LYZL1: variants seen among roughly 807,000 people sequenced by gnomAD.
LYZL1 encodes the protein lysozyme like 1.
In LYZL1, 16 loss-of-function variants were observed where a neutral mutation model predicts 17.9. The ratio of observed to expected loss-of-function variants is 0.90; its 90% CI spans 0.61 to 1.36. The LOEUF (loss-of-function observed/expected upper bound fraction) is 1.36. Among genes scored for constraint, LYZL1 ranks in the 40% most tolerant of loss-of-function variants. LYZL1 has a pLI of 0.00. For missense variants in LYZL1, 149 were observed against 188.4 expected, an observed-to-expected ratio of 0.79 and a Z score of 1.22; for synonymous variants, 58 against 71.8, an observed-to-expected ratio of 0.81 and a Z score of 0.97.
chr10:29,306,443 G>C (rs1220023644), intron 3 of LYZL1, among the ~76,000 whole-genome samples: 5 of 142,578 alleles, frequency 3.5e-5, no homozygotes, highest in African/African-American at 1.3e-4. Flanking sequence ...CCAGCTACTC[G>C]GGAGGCTGAG....
chr10:29,302,292 G>A (rs938713931), intron 3 of LYZL1, among the ~76,000 whole-genome samples: 1 of 152,212 alleles, frequency 6.6e-6, no homozygotes, highest in Non-Finnish European at 1.5e-5. Context: ...CAAAGGAGAT[G>A]TAGCATAGAC....
chr10:29,300,156 G>A (rs964109087), intron 3 of LYZL1, among the ~76,000 whole-genome samples: 15 of 151,776 alleles, frequency 9.9e-5, no homozygotes, highest in African/African-American at 3.1e-4. Context: ...TTATTGATAT[G>A]GTTAGTTTTA....
At chr10:29,310,743 G>A (rs74131342) in intron 4 of LYZL1, among the ~76,000 whole-genome samples, 10,138 of 152,200 alleles carry the variant, frequency 0.067, 378 homozygotes, top group South Asian at 0.14. Context: ...AGATGTGGGT[G>A]TGACATGGAA....
At chr10:29,298,175 A>C (rs1220230497) in intron 3 of LYZL1, among the ~76,000 whole-genome samples, 2 of 152,162 alleles carry the variant, frequency 1.3e-5, no homozygotes, top group Non-Finnish European at 2.9e-5. Flanking sequence ...AAACATGGCA[A>C]TAGTGAAGTA....
chr10:29,293,635 A>G (rs1049701898), intron 3 of LYZL1, among the ~76,000 whole-genome samples: 14 of 152,144 alleles, frequency 9.2e-5, no homozygotes, highest in Non-Finnish European at 1.6e-4. Context: ...TGTAAGGAGG[A>G]GTGCGCTGAG....
At chr10:29,304,523 G>A (rs1835565579) in intron 3 of LYZL1, among the ~76,000 whole-genome samples, 1 of 152,042 alleles carries the variant, frequency 6.6e-6, no homozygotes, top group Admixed American at 6.5e-5. Flanking sequence ...ACTGAAAATA[G>A]GACTGAAGCT....
intron 3 of LYZL1, 103 bp from the exon 4 acceptor site, chr10:29,310,007 C>T: frequency 1.3e-6 from 1 of 758,440 alleles, no homozygotes. Flanking sequence ...TTCTTCCAAC[C>T]CTCTTGATCC....
chr10:29,294,124 G>A (rs762832821), intron 3 of LYZL1, among the ~76,000 whole-genome samples: 15 of 152,182 alleles, frequency 9.9e-5, no homozygotes, highest in African/African-American at 3.6e-4. Context: ...AGAGGTGCCT[G>A]TGGGAAGGTG....
At chr10:29,290,869 T>C (rs1337498995) in intron 1 of LYZL1, among the ~76,000 whole-genome samples, 2 of 145,652 alleles carry the variant, frequency 1.4e-5, no homozygotes, top group Non-Finnish European at 3.0e-5. Flanking sequence ...AAAGCACTGA[T>C]ACTTTGGAAG....
At chr10:29,304,061 C>T (rs549345888) in intron 3 of LYZL1, among the ~76,000 whole-genome samples, 8 of 152,240 alleles carry the variant, frequency 5.3e-5, no homozygotes, top group African/African-American at 1.4e-4. Context: ...GCACCTAGCC[C>T]GTGACCATTT....
intron 3 of LYZL1, among the ~76,000 whole-genome samples, chr10:29,303,799 T>TCCCACATA (rs1226649993): frequency 2.0e-5 from 3 of 152,218 alleles, no homozygotes; most frequent in African/African-American, 7.2e-5. Flanking sequence ...TGTCATTCTG[T>TCCCACATA]CCCACATATT....
Position 29,294,989 on chromosome 10 carries a change from A to T in LYZL1, c.298+2312A>T, listed in dbSNP as rs143007554. ...CTCTCAAAATATGTTACATTGATAA[A>T]ACTAACCAACCACTGCTGAGTGTAA... On this transcript the variant is annotated intron_variant, in intron 3 of 4. Transcript: ENST00000649382. 5.5e-3 allele frequency among the ~76,000 whole-genome samples: 834 copies of T among 152,336 alleles called. 4 individuals are homozygous for T. Among genetic ancestry groups the T allele is most frequent in the Non-Finnish European group, 9.4e-3 (641 of 68,030 alleles).
intron 3 of LYZL1, among the ~76,000 whole-genome samples, chr10:29,294,575 A>T (rs983210347): frequency 6.6e-6 from 1 of 152,204 alleles, no homozygotes; most frequent in African/African-American, 2.4e-5. Context: ...ATGTATCCTC[A>T]ATGTCTAGAA....
At chr10:29,300,698 G>T (rs774371411) in intron 3 of LYZL1, among the ~76,000 whole-genome samples, 2 of 152,054 alleles carry the variant, frequency 1.3e-5, no homozygotes, top group African/African-American at 2.4e-5. Flanking sequence ...GGTTTTTTTA[G>T]ACTAGAGGTC....
downstream of LYZL1, among the ~76,000 whole-genome samples, chr10:29,315,674 C>T (rs551646707): frequency 1.3e-5 from 2 of 151,724 alleles, no homozygotes; most frequent in African/African-American, 4.8e-5. Flanking sequence ...AGAGTGAGAT[C>T]CCATCTCTAC....
chr10:29,307,847 T>G (rs887912906), intron 3 of LYZL1, among the ~76,000 whole-genome samples: 13 of 152,138 alleles, frequency 8.5e-5, no homozygotes, highest in East Asian at 1.9e-4. Flanking sequence ...TCTGGAGAGA[T>G]AAATTATTAG....
At chr10:29,316,298 G>A (rs1835728988) in intron 3 of LYZL1, among the ~76,000 whole-genome samples, 1 of 152,206 alleles carries the variant, frequency 6.6e-6, no homozygotes, top group South Asian at 2.1e-4. Flanking sequence ...GGGACACTCA[G>A]AAACTGTTCC....
intron 3 of LYZL1, among the ~76,000 whole-genome samples, chr10:29,307,383 C>T (rs545356618): frequency 7.4e-4 from 113 of 152,320 alleles, no homozygotes; most frequent in Non-Finnish European, 1.5e-3. Flanking sequence ...CTGGGTCTTC[C>T]TTCCTTCACT....
intron 3 of LYZL1, among the ~76,000 whole-genome samples, chr10:29,303,188 C>T (rs1835544990): frequency 6.6e-6 from 1 of 152,182 alleles, no homozygotes; most frequent in African/African-American, 2.4e-5. Context: ...TTGCAGATTT[C>T]TGCTGCTCTT....
Sources: allele counts gnomAD v4.1 joint callset (sites outside exome capture counted in the v4.1 genomes callset), GRCh38; gene constraint gnomAD v4.1.1; transcripts MANE v1.5; gene names NCBI Gene and HGNC (gene_info 2026-07-23, HGNC 2026-07-21).